SLC25A21: variants seen among roughly 807,000 people sequenced by gnomAD.
SLC25A21 encodes the protein solute carrier family 25 member 21, also known as mitochondrial 2-oxodicarboxylate carrier.
In SLC25A21, 47 loss-of-function variants were observed where a neutral mutation model predicts 43.8. That is an observed-to-expected ratio of 1.07 (90% CI 0.85 to 1.37). The LOEUF (loss-of-function observed/expected upper bound fraction) is 1.37. SLC25A21 is among the 40% of genes most tolerant of loss of function. The probability of loss-of-function intolerance (pLI) is 0.00; values close to 1 mark genes in which losing one functional copy is unlikely to be tolerated. For synonymous variants in SLC25A21, 131 were observed against 121.3 expected, an observed-to-expected ratio of 1.08 and a Z score of -0.52; for missense variants, 352 against 350.2, an observed-to-expected ratio of 1.00 and a Z score of -0.04.
intron 2 of SLC25A21, among the ~76,000 whole-genome samples, chr14:36,859,707 G>C (rs561292131): frequency 6.6e-6 from 1 of 152,238 alleles, no homozygotes; most frequent in South Asian, 2.1e-4. Flanking sequence ...ATTCTCTGTG[G>C]TGTAAAACCA....
At chr14:37,038,865 G>A (rs563938857) in intron 1 of SLC25A21, among the ~76,000 whole-genome samples, 3 of 152,176 alleles carry the variant, frequency 2.0e-5, no homozygotes, top group Non-Finnish European at 4.4e-5. Flanking sequence ...CAGCCGACCA[G>A]GGTCTCCTAG....
intron 1 of SLC25A21, among the ~76,000 whole-genome samples, chr14:36,894,573 T>C (rs1891181803): frequency 6.6e-6 from 1 of 152,088 alleles, no homozygotes; most frequent in South Asian, 2.1e-4. Flanking sequence ...CTTCCAACAC[T>C]ATGTTGAATA....
chr14:36,857,767 G>A (rs1002536425), intron 2 of SLC25A21, among the ~76,000 whole-genome samples: 4 of 152,180 alleles, frequency 2.6e-5, no homozygotes, highest in Non-Finnish European at 5.9e-5. Context: ...CTAGGAGAGG[G>A]GCATTGGCAT....
chr14:36,719,421 T>G (rs1158986604), intron 6 of SLC25A21, among the ~76,000 whole-genome samples: 2 of 152,172 alleles, frequency 1.3e-5, no homozygotes, highest in African/African-American at 4.8e-5. Context: ...TGGGTTTAGT[T>G]TGAAGGATGG....
At chr14:36,898,674 T>C (rs1364290214) in intron 1 of SLC25A21, among the ~76,000 whole-genome samples, 1 of 152,094 alleles carries the variant, frequency 6.6e-6, no homozygotes, top group Non-Finnish European at 1.5e-5. Flanking sequence ...CCATCTTGGC[T>C]CCATCCCCCA....
chr14:37,144,796 G>A (rs12892589), intron 1 of SLC25A21, among the ~76,000 whole-genome samples: 1 of 138,078 alleles, frequency 7.2e-6, no homozygotes, highest in East Asian at 2.1e-4. Context: ...TTTTTTTTTT[G>A]TTTTTTTAGT....
At chr14:37,082,263 T>C (rs1962402684) in intron 1 of SLC25A21, among the ~76,000 whole-genome samples, 1 of 152,142 alleles carries the variant, frequency 6.6e-6, no homozygotes, top group African/African-American at 2.4e-5. Flanking sequence ...AAGAAAAAAC[T>C]ACCCATAAGG....
intron 1 of SLC25A21, among the ~76,000 whole-genome samples, chr14:36,919,622 CCTATCTAT>C (rs3061765): frequency 0.09 from 5,519 of 61,460 alleles, 120 homozygotes; most frequent in African/African-American, 0.12. Flanking sequence ...TATCTATCTA[CCTATCTAT>C]CTATCTATCT....
intron 2 of SLC25A21, among the ~76,000 whole-genome samples, chr14:36,816,793 T>C (rs995634593): frequency 6.6e-6 from 1 of 152,150 alleles, no homozygotes; most frequent in Admixed American, 6.6e-5. Flanking sequence ...CATGAGCCAC[T>C]ACCCCTAGAC....
chr14:36,924,691 TACA>T (rs75256172), intron 1 of SLC25A21, among the ~76,000 whole-genome samples: 11,451 of 151,864 alleles, frequency 0.075, 668 homozygotes, highest in East Asian at 0.23. Flanking sequence ...AAAAAAGCAA[TACA>T]ACAATAAAAA....
At chr14:36,895,552 T>C (rs1315265075) in intron 1 of SLC25A21, among the ~76,000 whole-genome samples, 1 of 152,238 alleles carries the variant, frequency 6.6e-6, no homozygotes, top group Non-Finnish European at 1.5e-5. Flanking sequence ...AATTCTGCTC[T>C]GACCTTAGTT....
At chr14:37,098,774 C>CAGATAGATAGATAGATAGAT (rs1446755880) in intron 1 of SLC25A21, among the ~76,000 whole-genome samples, 7 of 119,994 alleles carry the variant, frequency 5.8e-5, no homozygotes, top group African/African-American at 2.2e-4. Context: ...GACAGACAGA[C>CAGATAGATAGATAGATAGAT]AGACAGACAG....
At chr14:36,960,725 G>A (rs1406065693) in intron 1 of SLC25A21, among the ~76,000 whole-genome samples, 1 of 152,008 alleles carries the variant, frequency 6.6e-6, no homozygotes, top group Non-Finnish European at 1.5e-5. Context: ...GTAAAGCTGT[G>A]GCCTGTAGTT....
intron 1 of SLC25A21, among the ~76,000 whole-genome samples, chr14:37,147,844 C>CTTTTTTTTTTTT (rs61239254): frequency 2.4e-5 from 3 of 126,252 alleles, no homozygotes; most frequent in Admixed American, 9.3e-5. Flanking sequence ...TTTTTCTTTT[C>CTTTTTTTTTTTT]TTTTTTTTTT....
intron 1 of SLC25A21, among the ~76,000 whole-genome samples, chr14:37,007,397 G>A (rs1960628023): frequency 6.6e-6 from 1 of 152,162 alleles, no homozygotes; most frequent in South Asian, 2.1e-4. Context: ...AAGGTCAGGA[G>A]TTTGAGACCA....
In SLC25A21 at chr14:36,680,380, T is replaced by C; in HGVS notation, c.*278A>G. 7 of 1,043,486 alleles carry C rather than the reference T, an allele frequency of 6.7e-6. No individual in the cohort carries two copies. The highest frequency in any genetic ancestry group is 8.1e-6 in the Non-Finnish European group (7 of 860,956). 64.6% of individuals were successfully genotyped at this position (1,043,486 alleles called of 1,614,324 possible). On this transcript the variant is annotated 3_prime_UTR_variant, in exon 10 of 10. Transcript: ENST00000331299. The stretch of plus-strand genomic sequence containing the variant: ...CAGGAGACAAAGTTTCTATTTATTT[T>C]ATGAAATAAATATATGATTTCTATG...
chr14:36,754,887 A>T (rs1216039518), intron 3 of SLC25A21, among the ~76,000 whole-genome samples: 2 of 152,232 alleles, frequency 1.3e-5, no homozygotes, highest in African/African-American at 2.4e-5. Flanking sequence ...TCGGTGGCAA[A>T]GGAAGAATAA....
chr14:36,883,845 A>C (rs1226075080), intron 1 of SLC25A21, among the ~76,000 whole-genome samples: 2 of 152,172 alleles, frequency 1.3e-5, no homozygotes, highest in East Asian at 3.9e-4. Flanking sequence ...TTTTTTAATG[A>C]CAAATAATAA....
chr14:36,690,015 A>C lies in SLC25A21; in HGVS notation c.604-5090T>G, dbSNP rs371736369. On this transcript the variant is annotated intron_variant, in intron 7 of 9. Coordinates refer to ENST00000331299, the MANE Select transcript of SLC25A21 (RefSeq NM_030631.4). ...CAAGGCTACACAACTGAAGGCAATG[A>C]TATTAACTCTGTTCAACCTATCCTA... Among the ~76,000 whole-genome samples the C allele has an allele frequency of 1.6e-4, 24 of 152,306 alleles. No individual in the cohort carries two copies. In the East Asian group the frequency reaches 2.3e-3, roughly 15 times the overall value.
Sources: allele counts gnomAD v4.1 joint callset (sites outside exome capture counted in the v4.1 genomes callset), GRCh38; gene constraint gnomAD v4.1.1; transcripts MANE v1.5; gene names NCBI Gene and HGNC (gene_info 2026-07-23, HGNC 2026-07-21).